Variants in ADCY5 observed in about 807,000 individuals in gnomAD.
ADCY5 encodes adenylate cyclase 5.
Under a neutral mutation model 119.7 loss-of-function variants are expected in ADCY5, and 30 were observed. That is an observed-to-expected ratio of 0.25 (90% CI 0.19 to 0.34). The LOEUF is 0.34. Among genes scored for constraint, ADCY5 ranks in the 10% least tolerant of loss-of-function variants. The probability of loss-of-function intolerance (pLI) is 1.00; values close to 1 mark genes in which losing one functional copy is unlikely to be tolerated. For synonymous variants in ADCY5, 753 were observed against 762.2 expected, an observed-to-expected ratio of 0.99 and a Z score of 0.20; for missense variants, 1,324 against 1,775.2, an observed-to-expected ratio of 0.75 and a Z score of 4.57.
In ADCY5 at chr3:123,347,900, G is replaced by A; in HGVS notation, c.1288C>T (p.Arg430Trp). ...CGGGGAAGGACAGACAGCAGGAGCC[G>A]TTCCTGCAGAGGGAAGCACATGCTT... ...HSQRENQQQE[R>W]LLLSVLPRHV... Residue 430 changes from arginine (R) to tryptophan (W), a missense_variant, in exon 3 of 21, where the codon CGG becomes TGG. Physicochemically the swap from Arg to Trp is moderately radical, Grantham distance 101. Coordinates refer to ENST00000462833, the MANE Select transcript of ADCY5 (RefSeq NM_183357.3). 1 of 1,614,094 alleles carries A rather than the reference G, an allele frequency of 6.2e-7. No homozygotes were observed. The highest frequency in any genetic ancestry group is 8.5e-7 in the Non-Finnish European group (1 of 1,179,998).
chr3:123,416,794 T>C (rs1391309357), intron 1 of ADCY5, among the ~76,000 whole-genome samples: 1 of 152,066 alleles, frequency 6.6e-6, no homozygotes, highest in Admixed American at 6.5e-5. Context: ...TGTGTGTGTG[T>C]ATGCATGAGT....
chr3:123,400,908 C>T (rs184214583), intron 1 of ADCY5, among the ~76,000 whole-genome samples: 59 of 151,880 alleles, frequency 3.9e-4, no homozygotes, highest in Admixed American at 3.9e-4. Flanking sequence ...CACGCCACTG[C>T]ACTCCAGCCT....
chr3:123,284,659 G>T lies in ADCY5; in HGVS notation c.3735C>A (p.Gly1245=). The change falls in exon 21 of 21, where the codon GGC becomes GGA. Residue 1245 remains glycine (G), a synonymous_variant. Coordinates refer to ENST00000462833, the MANE Select transcript of ADCY5 (RefSeq NM_183357.3). ...LECRGVVKVK[G]KGEMMTYFLN... is the part of the protein sequence containing the mutation. Reference sequence around the variant, plus strand: ...GGAAGTAGGTCATCATCTCGCCTTTGCCCTTGACCTTGACCACGCCCCGGC... The same window carrying T: ...GGAAGTAGGTCATCATCTCGCCTTTTCCCTTGACCTTGACCACGCCCCGGC... 6.2e-7 allele frequency: 1 copy of T among 1,614,248 alleles called. No individual in the cohort carries two copies. The highest frequency in any genetic ancestry group is 8.5e-7 in the Non-Finnish European group (1 of 1,180,040).
chr3:123,305,172 G>T (rs937516701), intron 12 of ADCY5, among the ~76,000 whole-genome samples: 5 of 152,138 alleles, frequency 3.3e-5, no homozygotes, highest in African/African-American at 1.2e-4. Flanking sequence ...CTATTTGTAC[G>T]GCTCTTGGGA....
intron 1 of ADCY5, among the ~76,000 whole-genome samples, chr3:123,426,185 G>A (rs191831367): frequency 6.6e-6 from 1 of 152,302 alleles, no homozygotes; most frequent in Non-Finnish European, 1.5e-5. Context: ...CAGGGCGCTT[G>A]CCAAGGAGAA....
rs755726466 is a variant in ADCY5 at position 123,300,160 on chromosome 3, G to A, written c.2860C>T (p.Leu954Phe). 1.1e-5 allele frequency: 18 copies of A among 1,613,804 alleles called. No homozygotes were observed. The highest frequency in any genetic ancestry group is 8.3e-5 in the Admixed American group (5 of 60,010). Residue 954 changes from leucine to phenylalanine, a missense_variant, in exon 15 of 21, where the codon CTC becomes TTC. Around this residue, in one of 6 missense-constraint regions of ADCY5, gnomAD observed 424 missense variants for 546.8 expected, o/e 0.78. Coordinates refer to ENST00000462833, the MANE Select transcript of ADCY5 (RefSeq NM_183357.3). Reference protein sequence around the residue: ...VLIVEVPGVTLFDNADLLVTA... With the variant: ...VLIVEVPGVTFFDNADLLVTA... ...ACCAGCAGGTCGGCGTTGTCGAAGA[G>A]CGTGACACCTGGCACCTCCACGATG...
rs1943484392 is a variant in ADCY5 at position 123,367,425 on chromosome 3, G to A, written c.1135-14844C>T. 4.6e-5 allele frequency among the ~76,000 whole-genome samples: 7 copies of A among 152,284 alleles called. No individual in the cohort carries two copies. In the South Asian group the frequency reaches 1.5e-3, roughly 32 times the overall value. On this transcript the variant is annotated intron_variant, in intron 1 of 20. Transcript: ENST00000462833. ...TAAGGAGACGTTTGCTTTGAGGCCT[G>A]GCAAGAGGTTTTGTGGGCTAGAAAT... is the stretch of plus-strand genomic sequence containing the variant.
chr3:123,438,792 A>G (rs1040167556), intron 1 of ADCY5, among the ~76,000 whole-genome samples: 1 of 152,032 alleles, frequency 6.6e-6, no homozygotes, highest in Non-Finnish European at 1.5e-5. Context: ...TGCTGCCCAG[A>G]CTGGAGTACA....
intron 17 of ADCY5, among the ~76,000 whole-genome samples, chr3:123,292,604 G>A (rs1193868090): frequency 1.3e-5 from 2 of 152,246 alleles, no homozygotes; most frequent in South Asian, 4.1e-4. Context: ...AAGCCTTCCT[G>A]CCCAGGTGAC....
intron 6 of ADCY5, 46 bp from the exon 7 acceptor site, chr3:123,327,805 G>C: frequency 6.2e-7 from 1 of 1,602,988 alleles, no homozygotes; most frequent in Non-Finnish European, 8.5e-7. Context: ...AAAACTCAAA[G>C]TCATAATGTC....
intron 1 of ADCY5, among the ~76,000 whole-genome samples, chr3:123,400,635 A>G (rs1463254400): frequency 6.6e-6 from 1 of 152,184 alleles, no homozygotes; most frequent in Non-Finnish European, 1.5e-5. Context: ...TGGCCACGTG[A>G]AAGAGGCAGG....
rs545770113 is a variant in ADCY5, at chr3:123,342,091, C to A, written c.1406+5691G>T. The stretch of plus-strand genomic sequence containing the variant: ...GATTACAAGTATGAACCATCGTGGC[C>A]GGCCCAGAATACTTTTCTTCATGTC... On this transcript the variant is annotated intron_variant, in intron 3 of 20. Coordinates refer to ENST00000462833, the MANE Select transcript of ADCY5 (RefSeq NM_183357.3). Among the ~76,000 whole-genome samples, 11 of 152,192 alleles carry A rather than the reference C, an allele frequency of 7.2e-5. No individual in the cohort carries two copies. The South Asian group carries it at 2.3e-3, about 32-fold the overall frequency.
At chr3:123,422,299 G>A (rs1052051000) in intron 1 of ADCY5, among the ~76,000 whole-genome samples, 7 of 152,174 alleles carry the variant, frequency 4.6e-5, no homozygotes, top group Non-Finnish European at 1.5e-5. Flanking sequence ...TAGGCACAGT[G>A]GCCAGAGGAG....
intron 16 of ADCY5, 121 bp downstream of exon 16, chr3:123,297,232 G>C: frequency 7.0e-7 from 1 of 1,434,522 alleles, no homozygotes; most frequent in Non-Finnish European, 9.7e-7. Flanking sequence ...CTGTCCTGTT[G>C]GCCTTCTCCT....
In ADCY5 at chr3:123,332,683, A is replaced by C. The variant is rs1941818077; in HGVS notation, c.1407-8T>G. 6.3e-7 allele frequency: 1 copy of C among 1,587,132 alleles called. No homozygotes were observed. Among genetic ancestry groups the C allele is most frequent in the African/African-American group, 1.3e-5 (1 of 74,276 alleles). ...ATGTCAGCAAACAGGATGCTGGGGG[A>C]CAGGCAGAGGAGGAAGACCCTGCTA... On this transcript the variant is annotated splice_region_variant and splice_polypyrimidine_tract_variant and intron_variant, in intron 3 of 20. Transcript: ENST00000462833.
intron 11 of ADCY5, among the ~76,000 whole-genome samples, chr3:123,315,027 G>A (rs1318874761): frequency 6.6e-6 from 1 of 152,178 alleles, no homozygotes; most frequent in Non-Finnish European, 1.5e-5. Flanking sequence ...ACCACGGGTG[G>A]CCACCCTCAG....
At chr3:123,328,504 C>A (rs1308914196) in intron 6 of ADCY5, 140 bp downstream of exon 6, 1 of 1,008,548 alleles carries the variant, frequency 9.9e-7, no homozygotes, top group Admixed American at 2.2e-5. Context: ...ACTGTGCTCA[C>A]CCCAGCGCCC....
intron 17 of ADCY5, 30 bp from the exon 18 acceptor site, chr3:123,291,406 A>C (rs1173796163): frequency 6.3e-7 from 1 of 1,590,788 alleles, no homozygotes; most frequent in South Asian, 1.1e-5. Context: ...AGTCACCCAG[A>C]TGCCAATGTG....
intron 1 of ADCY5, among the ~76,000 whole-genome samples, chr3:123,408,528 C>G (rs977707127): frequency 6.6e-6 from 1 of 151,392 alleles, no homozygotes; most frequent in Non-Finnish European, 1.5e-5. Context: ...CAGTGGCATG[C>G]GCCTGTAGTC....
Sources: allele counts gnomAD v4.1 joint callset (sites outside exome capture counted in the v4.1 genomes callset), GRCh38; gene constraint gnomAD v4.1.1; regional missense constraint gnomAD v4.1.1; transcripts MANE v1.5; gene names NCBI Gene and HGNC (gene_info 2026-07-23, HGNC 2026-07-21).